Variants in GRM7 observed in about 807,000 individuals in gnomAD.
The protein encoded by GRM7 is glutamate metabotropic receptor 7, also known as metabotropic glutamate receptor 7.
Under a neutral mutation model 84.5 loss-of-function variants are expected in GRM7, and 35 were observed. That is an observed-to-expected ratio of 0.41 (90% CI 0.32 to 0.55). The LOEUF (loss-of-function observed/expected upper bound fraction) is 0.55, where lower values mean the gene tolerates loss of function less well. Among genes scored for constraint, GRM7 ranks in the 20% least tolerant of loss-of-function variants. The pLI is 0.19. For missense variants in GRM7, 1,003 were observed against 1,194.6 expected (o/e 0.84, Z 2.36); for synonymous variants, 487 against 455.1 (o/e 1.07, Z -0.89).
At chr3:7,271,124 G>C (rs1344358969) in intron 2 of GRM7, among the ~76,000 whole-genome samples, 5 of 152,152 alleles carry the variant, frequency 3.3e-5, no homozygotes, top group Non-Finnish European at 7.3e-5. Flanking sequence ...GGGACATGAA[G>C]TCTATTTTTA....
chr3:7,435,395 A>G (rs1263411137), intron 5 of GRM7, among the ~76,000 whole-genome samples: 1 of 151,972 alleles, frequency 6.6e-6, no homozygotes, highest in South Asian at 2.1e-4. Flanking sequence ...AGCTCAAGAG[A>G]TCCACCCACC....
At chr3:7,194,139 T>A (rs1002663710) in intron 2 of GRM7, among the ~76,000 whole-genome samples, 2 of 152,150 alleles carry the variant, frequency 1.3e-5, no homozygotes, top group Non-Finnish European at 2.9e-5. Context: ...GCATTTTCTC[T>A]GATGTAAATC....
intron 2 of GRM7, among the ~76,000 whole-genome samples, chr3:7,194,661 G>A (rs146891289): frequency 0.017 from 2,550 of 152,186 alleles, 35 homozygotes; most frequent in Non-Finnish European, 0.026. Flanking sequence ...ATGCCTTAAG[G>A]CAATCCTGGC....
intron 7 of GRM7, among the ~76,000 whole-genome samples, chr3:7,505,052 A>T (rs998085021): frequency 6.6e-6 from 1 of 152,230 alleles, no homozygotes; most frequent in African/African-American, 2.4e-5. Context: ...CAGACACAAG[A>T]TAAACATTCA....
chr3:7,380,064 C>G (rs1174419756), intron 4 of GRM7, among the ~76,000 whole-genome samples: 1 of 152,016 alleles, frequency 6.6e-6, no homozygotes, highest in Non-Finnish European at 1.5e-5. Flanking sequence ...CTATTGAAAG[C>G]ACTGGAACAA....
chr3:7,690,877 T>G (rs1453225494), intron 9 of GRM7, among the ~76,000 whole-genome samples: 1 of 152,180 alleles, frequency 6.6e-6, no homozygotes, highest in African/African-American at 2.4e-5. Context: ...ATACCAAATA[T>G]CATTTGTATT....
chr3:7,291,853 C>A (rs1273801361), intron 2 of GRM7, among the ~76,000 whole-genome samples: 1 of 152,044 alleles, frequency 6.6e-6, no homozygotes, highest in East Asian at 1.9e-4. Flanking sequence ...TCCCATAATT[C>A]CCACATGTTG....
At position 7,296,087 on chromosome 3, in the gene GRM7, A is replaced by AAT. The variant is rs202090648; in HGVS notation, c.737-2585_737-2584dup. ...TACAGAGTTTAGTATTGTTATCATA[A>AAT]ATATATATATATAGAGAGAGAGAAT... On this transcript the variant is annotated intron_variant, in intron 2 of 9. Transcript: ENST00000357716. Among the ~76,000 whole-genome samples the AAT allele has an allele frequency of 3.3e-4, 50 of 151,094 alleles. 1 individual carries two copies. Among genetic ancestry groups the AAT allele is most frequent in the South Asian group, 1.9e-3 (9 of 4,798 alleles).
chr3:7,247,596 T>A (rs1435363302), intron 2 of GRM7, among the ~76,000 whole-genome samples: 2 of 137,670 alleles, frequency 1.5e-5, no homozygotes, highest in Non-Finnish European at 3.0e-5. Context: ...ACTCTCTCTT[T>A]TTTTTTAAAA....
chr3:7,334,312 CA>C (rs1391744984), intron 4 of GRM7, among the ~76,000 whole-genome samples: 1 of 151,890 alleles, frequency 6.6e-6, no homozygotes, highest in African/African-American at 2.4e-5. Flanking sequence ...CCTCCTTAAA[CA>C]AAATAATTAT....
At chr3:7,256,658 C>G (rs7626293) in intron 2 of GRM7, among the ~76,000 whole-genome samples, 1 of 151,988 alleles carries the variant, frequency 6.6e-6, no homozygotes, top group Non-Finnish European at 1.5e-5. Flanking sequence ...CACACACACA[C>G]AAAAAATGAG....
chr3:7,694,815 G>T (rs548244939), intron 9 of GRM7, among the ~76,000 whole-genome samples: 1 of 152,230 alleles, frequency 6.6e-6, no homozygotes, highest in Admixed American at 6.5e-5. Flanking sequence ...CAGAAAATTT[G>T]CCAAAAACAA....
chr3:7,453,700 C>T (rs1192558957), intron 6 of GRM7, among the ~76,000 whole-genome samples: 3 of 152,028 alleles, frequency 2.0e-5, no homozygotes, highest in African/African-American at 7.2e-5. Flanking sequence ...CAACTCTGAA[C>T]CTTGTCCTCT....
At chr3:7,199,348 A>G (rs558800464) in intron 2 of GRM7, among the ~76,000 whole-genome samples, 31 of 152,314 alleles carry the variant, frequency 2.0e-4, no homozygotes, top group African/African-American at 7.5e-4. Flanking sequence ...CTCAGTTGCT[A>G]GTGGAAGGCA....
chr3:7,030,374 G>T (rs1346982809), intron 1 of GRM7, among the ~76,000 whole-genome samples: 1 of 152,096 alleles, frequency 6.6e-6, no homozygotes, highest in African/African-American at 2.4e-5. Context: ...GACACTTTTG[G>T]GGGTGGGAGA....
chr3:7,401,911 G>A (rs1695468477), intron 4 of GRM7, among the ~76,000 whole-genome samples: 1 of 152,100 alleles, frequency 6.6e-6, no homozygotes, highest in Admixed American at 6.6e-5. Context: ...AGGTAAAAAA[G>A]GAGGGGTGTT....
At position 7,143,780 on chromosome 3, in the gene GRM7, G is replaced by A. The variant is rs1169028307; in HGVS notation, c.520-2672G>A. Among the ~76,000 whole-genome samples the A allele has an allele frequency of 3.9e-5, 6 of 152,232 alleles. No individual in the cohort carries two copies. The East Asian group carries it at 7.7e-4, about 20-fold the overall frequency. ...GGATTTTGGCAGGAAAGGCATCTGC[G>A]CAACAGCATGAAGCTTTTACATTTC... On this transcript the variant is annotated intron_variant, in intron 1 of 9. Transcript: ENST00000357716.
intron 1 of GRM7, among the ~76,000 whole-genome samples, chr3:6,971,003 C>CAA (rs1453847092): frequency 6.6e-6 from 1 of 151,358 alleles, no homozygotes; most frequent in African/African-American, 2.4e-5. Flanking sequence ...AACAAACAAA[C>CAA]AAACAAACAA....
chr3:7,543,507 T>C (rs1386309087), intron 7 of GRM7, among the ~76,000 whole-genome samples: 1 of 152,230 alleles, frequency 6.6e-6, no homozygotes, highest in Non-Finnish European at 1.5e-5. Context: ...GTTTTCACTT[T>C]CCAGCCACGC....
Sources: gnomAD v4.1 joint callset for allele counts (sites outside exome capture counted in the v4.1 genomes callset) on GRCh38, gnomAD v4.1.1 for gene constraint, MANE v1.5 for transcripts, NCBI Gene and HGNC (gene_info 2026-07-23, HGNC 2026-07-21) for gene names.